Variants in CFAP299 observed in about 807,000 individuals in gnomAD.
CFAP299 encodes the protein cilia- and flagella-associated protein 299.
CFAP299 carries 21 observed loss-of-function variants against 27.0 expected under a neutral mutation model. The ratio of observed to expected loss-of-function variants is 0.78; its 90% CI spans 0.55 to 1.12. The LOEUF is 1.12. Ranked by LOEUF, CFAP299 falls within the 50% of genes most tolerant of loss-of-function variation. CFAP299 has a pLI of 0.00. For synonymous variants in CFAP299, 104 were observed against 98.1 expected (o/e 1.06, Z -0.36); for missense variants, 310 against 276.6 (o/e 1.12, Z -0.86).
At chr4:80,539,266 A>G (rs1424635373) in intron 2 of CFAP299, among the ~76,000 whole-genome samples, 1 of 152,206 alleles carries the variant, frequency 6.6e-6, no homozygotes, top group Non-Finnish European at 1.5e-5. Flanking sequence ...AACAGTGTCA[A>G]ACGTGGAGAC....
intron 2 of CFAP299, among the ~76,000 whole-genome samples, chr4:80,479,214 T>C (rs1333388140): frequency 6.6e-6 from 1 of 152,018 alleles, no homozygotes; most frequent in Admixed American, 6.5e-5. Context: ...GGTTGCTAGT[T>C]TACCATATCT....
intron 3 of CFAP299, among the ~76,000 whole-genome samples, chr4:80,622,976 C>G (rs1369371425): frequency 3.9e-5 from 6 of 152,044 alleles, no homozygotes; most frequent in Non-Finnish European, 5.9e-5. Context: ...CACTGTAGAC[C>G]AAAGTAAGTG....
intron 3 of CFAP299, among the ~76,000 whole-genome samples, chr4:80,668,914 C>A (rs1036714770): frequency 6.6e-6 from 1 of 151,864 alleles, no homozygotes; most frequent in Non-Finnish European, 1.5e-5. Context: ...GTAGAATTGT[C>A]ATTTTAACAA....
intron 3 of CFAP299, among the ~76,000 whole-genome samples, chr4:80,592,260 T>A (rs1736827856): frequency 6.6e-6 from 1 of 152,060 alleles, no homozygotes; most frequent in African/African-American, 2.4e-5. Context: ...CTATTGTACA[T>A]AACTGAGGAA....
intron 5 of CFAP299, among the ~76,000 whole-genome samples, chr4:80,955,816 T>C (rs907483100): frequency 3.9e-5 from 6 of 151,986 alleles, no homozygotes; most frequent in African/African-American, 1.5e-4. Context: ...AGCCTGGCCA[T>C]GAAACCCCAT....
At chr4:80,340,768 C>G (rs1722405045) in intron 1 of CFAP299, among the ~76,000 whole-genome samples, 1 of 149,606 alleles carries the variant, frequency 6.7e-6, no homozygotes, top group African/African-American at 2.6e-5. Flanking sequence ...CCATAACACT[C>G]CTTTATTTTA....
At chr4:80,702,385 A>C (rs556164832) in intron 3 of CFAP299, among the ~76,000 whole-genome samples, 50 of 152,020 alleles carry the variant, frequency 3.3e-4, no homozygotes, top group African/African-American at 1.2e-3. Context: ...AGAAATGCAA[A>C]TAAATAAATT....
chr4:80,426,336 A>G (rs1727527392), intron 2 of CFAP299, among the ~76,000 whole-genome samples: 1 of 152,048 alleles, frequency 6.6e-6, no homozygotes, highest in African/African-American at 2.4e-5. Context: ...ATGTTTTGCT[A>G]TGTTTTCTGG....
chr4:80,628,489 A>C (rs1271417813), intron 3 of CFAP299, among the ~76,000 whole-genome samples: 3 of 152,174 alleles, frequency 2.0e-5, no homozygotes, highest in Non-Finnish European at 2.9e-5. Flanking sequence ...ATAAGATTGC[A>C]TCAAACTCAA....
At chr4:80,651,916 A>G (rs1298116191) in intron 3 of CFAP299, among the ~76,000 whole-genome samples, 1 of 152,104 alleles carries the variant, frequency 6.6e-6, no homozygotes, top group African/African-American at 2.4e-5. Context: ...TGCAAGGGTG[A>G]GTTGAAAATG....
rs112345060 is a variant in CFAP299, at chr4:80,771,109, A to G, written c.334-98884A>G. ...GCATGCGTAACAGGGAGTGGGAGTC[A>G]TGCGGGCCGTTTGAGAATTCTGCCT... On this transcript the variant is annotated intron_variant, in intron 3 of 5. Coordinates refer to ENST00000358105, the MANE Select transcript of CFAP299 (RefSeq NM_152770.3). 3.3e-5 allele frequency among the ~76,000 whole-genome samples: 5 copies of G among 152,286 alleles called. 1 individual carries two copies. The highest frequency in any genetic ancestry group is 1.2e-4 in the African/African-American group (5 of 41,570).
intron 2 of CFAP299, among the ~76,000 whole-genome samples, chr4:80,404,235 T>TAC (rs781293921): frequency 5.5e-4 from 83 of 151,414 alleles, no homozygotes; most frequent in Admixed American, 1.1e-3. Flanking sequence ...TATATATATA[T>TAC]ACACACACAC....
intron 4 of CFAP299, among the ~76,000 whole-genome samples, chr4:80,894,865 G>A (rs1442576567): frequency 6.6e-6 from 1 of 151,830 alleles, no homozygotes; most frequent in African/African-American, 2.4e-5. Flanking sequence ...TTATTTTTGT[G>A]GATGATGTGG....
intron 3 of CFAP299, among the ~76,000 whole-genome samples, chr4:80,706,264 T>C (rs1002492343): frequency 2.6e-4 from 39 of 151,742 alleles, no homozygotes; most frequent in African/African-American, 8.4e-4. Context: ...TATGCAAACA[T>C]ACCCTAAACA....
At chr4:80,534,627 CTA>C (rs1578564709) in intron 2 of CFAP299, among the ~76,000 whole-genome samples, 1 of 152,118 alleles carries the variant, frequency 6.6e-6, no homozygotes, top group East Asian at 1.9e-4. Flanking sequence ...GAATTTTCTA[CTA>C]TATGTTTAAA....
chr4:80,453,887 A>AATAATC (rs1220607041), intron 2 of CFAP299, among the ~76,000 whole-genome samples: 24 of 144,086 alleles, frequency 1.7e-4, no homozygotes, highest in East Asian at 8.1e-4. Flanking sequence ...TAATAATAAT[A>AATAATC]ATCTTGCAAG....
At chr4:80,886,086 T>C (rs6815586) in intron 4 of CFAP299, among the ~76,000 whole-genome samples, 28,013 of 151,922 alleles carry the variant, frequency 0.18, 5,020 homozygotes, top group African/African-American at 0.46. Flanking sequence ...CACGGACTAG[T>C]GGTGGTAATG....
chr4:80,868,550 C>T (rs1202520818), intron 3 of CFAP299, among the ~76,000 whole-genome samples: 1 of 152,196 alleles, frequency 6.6e-6, no homozygotes, highest in African/African-American at 2.4e-5. Flanking sequence ...CCTGCATCCT[C>T]ACCCCACAAG....
chr4:80,852,545 CTA>C (rs1464350902), intron 3 of CFAP299, among the ~76,000 whole-genome samples: 1 of 152,104 alleles, frequency 6.6e-6, no homozygotes, highest in Non-Finnish European at 1.5e-5. Context: ...AAGTTTGATT[CTA>C]TGTTTTCCAA....
Sources: gnomAD v4.1 joint callset for allele counts (sites outside exome capture counted in the v4.1 genomes callset) on GRCh38, gnomAD v4.1.1 for gene constraint, MANE v1.5 for transcripts, NCBI Gene and HGNC (gene_info 2026-07-23, HGNC 2026-07-21) for gene names.